The following ABCA7 variants were observed in gnomAD, a reference collection of about 807,000 sequenced individuals.
ABCA7 encodes phospholipid-transporting ATPase ABCA7.
Under a neutral mutation model 227.6 loss-of-function variants are expected in ABCA7, and 261 were observed. The ratio of observed to expected loss-of-function variants is 1.15; its 90% CI spans 1.04 to 1.27. The LOEUF is 1.27. Among genes scored for constraint, ABCA7 ranks in the 50% most tolerant of loss-of-function variants. ABCA7 has a pLI of 0.00. For missense variants in ABCA7, 3,331 were observed against 2,924.5 expected (o/e 1.14, Z -3.21); for synonymous variants, 1,488 against 1,279.7 (o/e 1.16, Z -3.47).
intron 1 of ABCA7, among the ~76,000 whole-genome samples, chr19:1,040,691 C>G (rs892981027): frequency 3.9e-5 from 6 of 152,180 alleles, no homozygotes; most frequent in Admixed American, 1.3e-4. Context: ...TCGCCTGACT[C>G]TTTCTCTGGC....
At chr19:1,060,093 C>T (rs1430800183) in intron 40 of ABCA7, among the ~76,000 whole-genome samples, 1 of 152,150 alleles carries the variant, frequency 6.6e-6, no homozygotes, top group African/African-American at 2.4e-5. Flanking sequence ...CACATTCAAG[C>T]ACCTACTATA....
In ABCA7 at chr19:1,054,380, C is replaced by T. The variant is rs1409149927; in HGVS notation, c.3726+39C>T. The stretch of plus-strand genomic sequence containing the variant: ...GCACCAGGGAGTCGCATGGGAGTCC[C>T]TGAGTTCCCTACCCTGGCCGTCCAC... On this transcript the variant is annotated intron_variant, in intron 27 of 46. Transcript: ENST00000263094. This position sits in a 1 kb window ranked among gnomAD's most constrained non-coding sequence, Gnocchi z 4.8. 2 of 1,568,420 alleles carry T rather than the reference C, an allele frequency of 1.3e-6. No homozygotes were observed. Among genetic ancestry groups the T allele is most frequent in the Admixed American group, 1.7e-5 (1 of 57,840 alleles).
At position 1,054,702 on chromosome 19, in the gene ABCA7, C is replaced by T. The variant is rs777852894; in HGVS notation, c.3851+8C>T. ...TCAGGTGTCCTTCTTCAGGTGGGTG[C>T]AGAAGGAAGGGGCTGGTGGCAGGAA... is the stretch of plus-strand genomic sequence containing the variant. On this transcript the variant is annotated splice_region_variant and intron_variant, in intron 28 of 46. Coordinates refer to ENST00000263094, the MANE Select transcript of ABCA7 (RefSeq NM_019112.4). The surrounding 1 kb of genome is among the most constrained non-coding windows in gnomAD (Gnocchi z 4.8). 6.2e-6 allele frequency: 10 copies of T among 1,611,304 alleles called. No homozygotes were observed. The East Asian group carries it at 2.2e-4, about 36-fold the overall frequency.
rs753664323 is a variant in ABCA7, at chr19:1,056,378, C to T, written c.4465C>T (p.Arg1489Ter). ...GCACTCCATGGTGGCCTTTGTCAAC[C>T]GAGCCAGCAACGCAATCCTCCGTGC... ...GWHSMVAFVN[R>*]ASNAILRAHL... is the part of the protein sequence containing the mutation. Residue 1489 changes from arginine to a stop codon, truncating the protein, a stop_gained, in exon 33 of 47, where the codon CGA becomes TGA. Transcript: ENST00000263094. LOFTEE classifies it high-confidence loss of function. The surrounding 1 kb of genome is among the most constrained non-coding windows in gnomAD (Gnocchi z 4.3). 3.0e-5 allele frequency: 48 copies of T among 1,613,268 alleles called. No homozygotes were observed. The highest frequency in any genetic ancestry group is 1.0e-4 in the Admixed American group (6 of 59,982).
chr19:1,041,945 GGCGCC>G lies in ABCA7; in HGVS notation c.276_280del (p.Arg93GlufsTer94). 6.3e-7 allele frequency: 1 copy of G among 1,590,372 alleles called. No homozygotes were observed. Among genetic ancestry groups the G allele is most frequent in the Non-Finnish European group, 8.5e-7 (1 of 1,174,098 alleles). ...CAGCTGACACCGGGCGAGGAGCCCG[GGCGCC>G]TGAGCAACTTCAACGACTCCCTGTG... is the stretch of plus-strand genomic sequence containing the variant. On this transcript the variant is annotated frameshift_variant, in exon 4 of 47. Transcript: ENST00000263094. LOFTEE classifies it high-confidence loss of function.
rs2042962164 is a variant in ABCA7 at position 1,065,124 on chromosome 19, G to A, written c.6238G>A (p.Glu2080Lys). 1 of 1,591,694 alleles carries A rather than the reference G, an allele frequency of 6.3e-7. No individual in the cohort carries two copies. The highest frequency in any genetic ancestry group is 1.3e-5 in the African/African-American group (1 of 74,516). ...VFGELAVHGAEHGVEDFSVSQ... is the reference protein window; with the variant it reads ...VFGELAVHGAKHGVEDFSVSQ... ...TGGAGAGCTGGCGGTGCACGGCGCA[G>A]AGCACGGCGTGGAGGACTTTTCCGT... Residue 2080 changes from glutamate (E) to lysine (K), a missense_variant, in exon 46 of 47, where the codon GAG becomes AAG. By Grantham distance (56) the Glu-to-Lys change is moderately conservative. Transcript: ENST00000263094.
At position 1,062,209 on chromosome 19, in the gene ABCA7, G is replaced by C; in HGVS notation, c.5608G>C (p.Gly1870Arg). 1 of 1,612,440 alleles carries C rather than the reference G, an allele frequency of 6.2e-7. No individual in the cohort carries two copies. Among genetic ancestry groups the C allele is most frequent in the African/African-American group, 1.3e-5 (1 of 75,022 alleles). The change falls in exon 42 of 47, where the codon GGA (glycine) becomes CGA (arginine). Residue 1870 changes from glycine to arginine, a missense_variant. Coordinates refer to ENST00000263094, the MANE Select transcript of ABCA7 (RefSeq NM_019112.4). ...ACCCAGTGCTGCGCACCTCAGCATGGGATACTGCCCTCAATCCGATGCCAT... is the reference window on the plus strand; with the variant it reads ...ACCCAGTGCTGCGCACCTCAGCATGCGATACTGCCCTCAATCCGATGCCAT... ...REPSAAHLSM[G>R]YCPQSDAIFE...
Position 1,051,938 on chromosome 19 carries a change from C to G in ABCA7, c.2963-4C>G. Reference sequence around the variant, plus strand: ...GTAGTTGTGGGTTGGTCCCCCGTGCCTAGGTCGCACGCTGATCCTCTCCAC... The same window carrying G: ...GTAGTTGTGGGTTGGTCCCCCGTGCGTAGGTCGCACGCTGATCCTCTCCAC... On this transcript the variant is annotated splice_region_variant and splice_polypyrimidine_tract_variant and intron_variant, in intron 21 of 46. Transcript: ENST00000263094. 1 of 1,610,692 alleles carries G rather than the reference C, an allele frequency of 6.2e-7. No individual in the cohort carries two copies. The highest frequency in any genetic ancestry group is 1.3e-5 in the African/African-American group (1 of 74,986).
At position 1,046,389 on chromosome 19, in the gene ABCA7, G is replaced by C; in HGVS notation, c.1605G>C (p.Pro535=). The C allele has an allele frequency of 1.3e-6, 2 of 1,568,088 alleles. No individual in the cohort carries two copies. The highest frequency in any genetic ancestry group is 1.1e-5 in the South Asian group (1 of 86,962). The part of the protein sequence containing the change: ...AGLYLQQMPY[P]CYVDDVFLRV... Reference sequence around the variant, plus strand: ...TCTACCTGCAGCAGATGCCCTATCCGTGCTATGTGGACGACGTGTGAGCTC... The same window carrying C: ...TCTACCTGCAGCAGATGCCCTATCCCTGCTATGTGGACGACGTGTGAGCTC... The change falls in exon 13 of 47, where the codon CCG becomes CCC. Residue 535 remains proline, a synonymous_variant. Coordinates refer to ENST00000263094, the MANE Select transcript of ABCA7 (RefSeq NM_019112.4).
In ABCA7 at chr19:1,041,348, T is replaced by C. The variant is rs182233998; in HGVS notation, c.-14T>C. 24,568 of 1,613,888 alleles carry C rather than the reference T, an allele frequency of 0.015. 255 individuals are homozygous for C. The highest frequency in any genetic ancestry group is 0.03 in the South Asian group (2,705 of 91,084). On this transcript the variant is annotated 5_prime_UTR_variant, in exon 2 of 47. Coordinates refer to ENST00000263094, the MANE Select transcript of ABCA7 (RefSeq NM_019112.4). Reference sequence around the variant, plus strand: ...GTCCTGACCTCTCTGTCCCGTCCCCTGCCCAGTCTCACCATGGCCTTCTGG... The same window carrying C: ...GTCCTGACCTCTCTGTCCCGTCCCCCGCCCAGTCTCACCATGGCCTTCTGG...
intron 25 of ABCA7, 61 bp from the exon 26 acceptor site, chr19:1,053,945 G>A (rs2042010272): frequency 4.4e-6 from 7 of 1,606,750 alleles, no homozygotes; most frequent in East Asian, 2.2e-5. Context: ...CCCTATACCT[G>A]ATTCCTGATC....
At position 1,063,564 on chromosome 19, in the gene ABCA7, G is replaced by A. The variant is rs369378657; in HGVS notation, c.5733G>A (p.Ala1911=). ...CACAGACCGCTGGCTCGGGCCTGGC[G>A]CGTCTGGGACTCTCATGGTACGCAG... ...QVAQTAGSGL[A]RLGLSWYADR... Residue 1911 remains alanine, a synonymous_variant, in exon 43 of 47, where the codon GCG becomes GCA. Coordinates refer to ENST00000263094, the MANE Select transcript of ABCA7 (RefSeq NM_019112.4). The A allele has an allele frequency of 1.1e-5, 18 of 1,610,690 alleles. No homozygotes were observed. Among genetic ancestry groups the A allele is most frequent in the Non-Finnish European group, 1.4e-5 (16 of 1,179,914 alleles).
At chr19:1,045,585 T>C (rs1040373080) in intron 12 of ABCA7, 3 of 254,836 alleles carry the variant, frequency 1.2e-5, no homozygotes, top group African/African-American at 2.2e-5. Flanking sequence ...CTCAGAACTT[T>C]GGGAGGCCAA....
Position 1,047,040 on chromosome 19 carries a change from C to T in ABCA7, c.1845+16C>T, listed in dbSNP as rs3752235. On this transcript the variant is annotated intron_variant, in intron 14 of 46. Transcript: ENST00000263094. Reference sequence around the variant, plus strand: ...GGTGCTCAAGGTGGGCGCGCCTCGGCCTGCCCGGCTGCAGAATGGGTGCGC... The same window carrying T: ...GGTGCTCAAGGTGGGCGCGCCTCGGTCTGCCCGGCTGCAGAATGGGTGCGC... The T allele has an allele frequency of 1.2e-4, 183 of 1,554,302 alleles. 2 individuals are homozygous for T. The East Asian group carries it at 4.3e-3, about 37-fold the overall frequency.
rs192780521 is a variant in ABCA7 at position 1,058,126 on chromosome 19, C to T, written c.5026-20C>T. ...TTGGACTCAGCCCCTGACCAACATC[C>T]GTCTCCCACCCTTGAGCAGAAGCTG... On this transcript the variant is annotated intron_variant, in intron 36 of 46. Transcript: ENST00000263094. 289 of 1,613,914 alleles carry T rather than the reference C, an allele frequency of 1.8e-4. No individual in the cohort carries two copies. The highest frequency in any genetic ancestry group is 2.3e-4 in the Non-Finnish European group (277 of 1,179,968).
Position 1,046,240 on chromosome 19 carries a change from C to A in ABCA7, c.1456C>A (p.Pro486Thr), listed in dbSNP as rs141428162. ...ATGCCCCTCTCGCAGGTTTTGGGAC[C>A]CTGGCCCAGCCGCGGACCCCCTGAC... is the stretch of plus-strand genomic sequence containing the variant. ...TNKIRDRFWDPGPAADPLTDL... is the reference protein window; with the variant it reads ...TNKIRDRFWDTGPAADPLTDL... The change falls in exon 13 of 47, where the codon CCT becomes ACT. Residue 486 changes from proline to threonine, a missense_variant. Coordinates refer to ENST00000263094, the MANE Select transcript of ABCA7 (RefSeq NM_019112.4). 3.1e-6 allele frequency: 5 copies of A among 1,607,026 alleles called. No homozygotes were observed. The highest frequency in any genetic ancestry group is 3.4e-6 in the Non-Finnish European group (4 of 1,179,676).
intron 18 of ABCA7, among the ~76,000 whole-genome samples, chr19:1,050,319 G>A (rs1356675088): frequency 6.6e-6 from 1 of 152,022 alleles, no homozygotes; most frequent in African/African-American, 2.4e-5. Context: ...GGCTGAGGCA[G>A]GAGAACTGCT....
At chr19:1,044,965 G>A in intron 11 of ABCA7, 37 bp from the exon 12 acceptor site, 1 of 1,603,730 alleles carries the variant, frequency 6.2e-7, no homozygotes, top group Non-Finnish European at 8.5e-7. Context: ...GAGGCAGGCG[G>A]ACCCCAGCGC....
At position 1,064,148 on chromosome 19, in the gene ABCA7, C is replaced by A; in HGVS notation, c.5952-13C>A. The A allele has an allele frequency of 1.3e-6, 2 of 1,548,976 alleles. No individual in the cohort carries two copies. The highest frequency in any genetic ancestry group is 1.7e-6 in the Non-Finnish European group (2 of 1,146,902). ...CCCGGCCTCACGGAGCTCGTGGTGC[C>A]GGGTCCCGACAGCATGGAGGAGTGT... On this transcript the variant is annotated splice_polypyrimidine_tract_variant and intron_variant, in intron 44 of 46. Transcript: ENST00000263094.
Sources: gnomAD v4.1 joint callset for allele counts (sites outside exome capture counted in the v4.1 genomes callset) on GRCh38, gnomAD v4.1.1 for gene constraint, Gnocchi (gnomAD v3.1) non-coding constraint, MANE v1.5 for transcripts, NCBI Gene and HGNC (gene_info 2026-07-23, HGNC 2026-07-21) for gene names.